The following FBXL17 variants were observed in gnomAD, a reference collection of about 807,000 sequenced individuals.
The protein encoded by FBXL17 is F-box/LRR-repeat protein 17.
A neutral mutation model predicts 66.2 loss-of-function variants in FBXL17; 22 were observed. The observed-to-expected ratio is 0.33, with a 90% CI of 0.24 to 0.47. The LOEUF (loss-of-function observed/expected upper bound fraction) is 0.47, where lower values mean the gene tolerates loss of function less well. Among genes scored for constraint, FBXL17 ranks in the 20% least tolerant of loss-of-function variants. FBXL17 has a pLI of 1.00. For synonymous variants in FBXL17, 474 were observed against 400.5 expected, an observed-to-expected ratio of 1.18 and a Z score of -2.19; for missense variants, 878 against 948.2, an observed-to-expected ratio of 0.93 and a Z score of 0.97.
chr5:108,199,231 A>G (rs560095044), intron 5 of FBXL17, among the ~76,000 whole-genome samples: 45 of 152,168 alleles, frequency 3.0e-4, no homozygotes, highest in Non-Finnish European at 6.2e-4. Flanking sequence ...TTTTAAAACA[A>G]ATAAACAAGT....
At chr5:108,120,817 C>T (rs900851827) in intron 6 of FBXL17, among the ~76,000 whole-genome samples, 1 of 152,062 alleles carries the variant, frequency 6.6e-6, no homozygotes, top group Admixed American at 6.5e-5. Flanking sequence ...TAAATAAATA[C>T]TTGTTTCACT....
intron 6 of FBXL17, among the ~76,000 whole-genome samples, chr5:108,052,113 A>C (rs1327992834): frequency 2.4e-5 from 2 of 82,970 alleles, no homozygotes; most frequent in Non-Finnish European, 4.7e-5. Context: ...ACTTCGTCTC[A>C]AAAAAAAAAA....
intron 7 of FBXL17, among the ~76,000 whole-genome samples, chr5:108,015,908 G>A (rs1214530308): frequency 6.6e-6 from 1 of 150,512 alleles, no homozygotes; most frequent in Non-Finnish European, 1.5e-5. Context: ...ATTCTTGTCT[G>A]GAAAACAAGA....
chr5:108,191,275 T>C (rs1753459364), intron 5 of FBXL17, among the ~76,000 whole-genome samples: 1 of 152,264 alleles, frequency 6.6e-6, no homozygotes, highest in Non-Finnish European at 1.5e-5. Context: ...GCACAGCTTC[T>C]GACACAGAGT....
intron 7 of FBXL17, among the ~76,000 whole-genome samples, chr5:107,932,620 G>T (rs530527643): frequency 6.6e-6 from 1 of 152,210 alleles, no homozygotes; most frequent in East Asian, 1.9e-4. Flanking sequence ...GAACTAAACA[G>T]TCTTTCTTCT....
chr5:108,068,151 T>A (rs971852262), intron 6 of FBXL17, among the ~76,000 whole-genome samples: 2 of 152,202 alleles, frequency 1.3e-5, no homozygotes, highest in African/African-American at 4.8e-5. Flanking sequence ...ACTTTTTAGA[T>A]TCTTTACTTA....
intron 6 of FBXL17, among the ~76,000 whole-genome samples, chr5:108,065,680 T>C (rs1353831709): frequency 6.6e-6 from 1 of 152,086 alleles, no homozygotes; most frequent in Non-Finnish European, 1.5e-5. Flanking sequence ...GCTTGATAGA[T>C]GAGAAAACAA....
At chr5:108,338,969 A>T (rs1746696192) in intron 4 of FBXL17, among the ~76,000 whole-genome samples, 1 of 152,198 alleles carries the variant, frequency 6.6e-6, no homozygotes, top group Non-Finnish European at 1.5e-5. Context: ...GCCTGAAGAC[A>T]GGGTTACCTG....
At chr5:108,154,010 C>G (rs965712350) in intron 6 of FBXL17, among the ~76,000 whole-genome samples, 11 of 151,988 alleles carry the variant, frequency 7.2e-5, no homozygotes, top group African/African-American at 2.2e-4. Flanking sequence ...CTCACTCTGC[C>G]AACAAATCTG....
At chr5:108,195,365 ATCT>A (rs1320297420) in intron 5 of FBXL17, among the ~76,000 whole-genome samples, 4 of 152,126 alleles carry the variant, frequency 2.6e-5, no homozygotes, top group Non-Finnish European at 5.9e-5. Context: ...CCAGGCTGAT[ATCT>A]GGGGCAAGAG....
rs528539255 is a variant in FBXL17 at position 108,298,203 on chromosome 5, T to C, written c.1506+50196A>G. On this transcript the variant is annotated intron_variant, in intron 4 of 8. Coordinates refer to ENST00000542267, the MANE Select transcript of FBXL17 (RefSeq NM_001163315.3). ...CTAGAAAGTACAGCTCCATATGATA[T>C]ACAATGCCCCAACAATAACTTTTTG... 1.4e-5 allele frequency: 14 copies of C among 980,906 alleles called. No individual in the cohort carries two copies. The South Asian group carries it at 3.8e-4, about 26-fold the overall frequency. The allele number at this position is 980,906 out of a possible 1,614,324, so 60.8% of individuals were successfully genotyped here.
At chr5:108,071,633 TCTTA>T (rs1185242910) in intron 6 of FBXL17, among the ~76,000 whole-genome samples, 1 of 151,932 alleles carries the variant, frequency 6.6e-6, no homozygotes, top group Non-Finnish European at 1.5e-5. Flanking sequence ...TTTTCCCCTC[TCTTA>T]GTCTCTTTCT....
chr5:107,931,915 A>G (rs1419232691), intron 7 of FBXL17, among the ~76,000 whole-genome samples: 1 of 152,196 alleles, frequency 6.6e-6, no homozygotes, highest in Non-Finnish European at 1.5e-5. Flanking sequence ...TCCAATTAAT[A>G]AGCCTCAGAA....
At chr5:108,061,658 C>A (rs574053347) in intron 6 of FBXL17, among the ~76,000 whole-genome samples, 47 of 152,198 alleles carry the variant, frequency 3.1e-4, no homozygotes, top group Middle Eastern at 6.8e-3. Flanking sequence ...GTTATGCCAC[C>A]ATTACTCGTA....
rs187977896 is a variant in FBXL17, at chr5:108,083,986, G to C, written c.1746-62985C>G. On this transcript the variant is annotated intron_variant, in intron 6 of 8. Transcript: ENST00000542267. ...ACTTTGAAAATGTAAAATAGTTTCC[G>C]ACTGATTTTCATAAGAAAGCTGGAA... Among the ~76,000 whole-genome samples the C allele has an allele frequency of 2.0e-5, 3 of 152,242 alleles. No individual in the cohort carries two copies. In the East Asian group the frequency reaches 5.8e-4, roughly 29 times the overall value.
At chr5:107,983,584 G>A (rs1752906134) in intron 7 of FBXL17, among the ~76,000 whole-genome samples, 1 of 152,002 alleles carries the variant, frequency 6.6e-6, no homozygotes, top group Non-Finnish European at 1.5e-5. Flanking sequence ...TTGTTGATGT[G>A]GAACTTCCCT....
chr5:108,046,402 T>C (rs1042539092), intron 6 of FBXL17, among the ~76,000 whole-genome samples: 2 of 152,200 alleles, frequency 1.3e-5, no homozygotes, highest in African/African-American at 4.8e-5. Context: ...TCTGTAAATC[T>C]GTATCTTTTA....
At chr5:107,933,831 A>G (rs1002444321) in intron 7 of FBXL17, among the ~76,000 whole-genome samples, 2 of 152,094 alleles carry the variant, frequency 1.3e-5, no homozygotes, top group Non-Finnish European at 2.9e-5. Context: ...TCATTTGACA[A>G]TTTTGAAACA....
intron 6 of FBXL17, among the ~76,000 whole-genome samples, chr5:108,099,258 T>C (rs1306605841): frequency 6.6e-6 from 1 of 152,220 alleles, no homozygotes; most frequent in African/African-American, 2.4e-5. Flanking sequence ...GCTGATAATG[T>C]GATACTGGGT....
Sources: gnomAD v4.1 joint callset for allele counts (sites outside exome capture counted in the v4.1 genomes callset) on GRCh38, gnomAD v4.1.1 for gene constraint, MANE v1.5 for transcripts, NCBI Gene and HGNC (gene_info 2026-07-23, HGNC 2026-07-21) for gene names.